EPB41L3: variants seen among roughly 807,000 people sequenced by gnomAD.
EPB41L3 encodes erythrocyte membrane protein band 4.1 like 3, also known as band 4.1-like protein 3.
In EPB41L3, 57 loss-of-function variants were observed where a neutral mutation model predicts 127.1. The observed-to-expected ratio is 0.45, with a 90% CI of 0.36 to 0.56. The LOEUF is 0.56. Ranked by LOEUF, EPB41L3 falls within the 20% of genes least tolerant of loss-of-function variation. The pLI is 0.00. For synonymous variants in EPB41L3, 572 were observed against 549.5 expected, an observed-to-expected ratio of 1.04 and a Z score of -0.57; for missense variants, 1,273 against 1,372.2, an observed-to-expected ratio of 0.93 and a Z score of 1.14.
chr18:5,400,969 C>T, intron 16 of EPB41L3: 1 of 1,528,550 alleles, frequency 6.5e-7, no homozygotes, highest in Non-Finnish European at 8.8e-7. Flanking sequence ...TGGTTTTTAC[C>T]TGAGACTCAA....
chr18:5,625,574 T>C (rs2094914484), intron 1 of EPB41L3, among the ~76,000 whole-genome samples: 1 of 152,200 alleles, frequency 6.6e-6, no homozygotes, highest in African/African-American at 2.4e-5. Flanking sequence ...AGTATCCCCT[T>C]GCCAGTTTCA....
intron 3 of EPB41L3, among the ~76,000 whole-genome samples, chr18:5,569,901 C>T (rs1016861886): frequency 3.3e-5 from 5 of 152,160 alleles, no homozygotes; most frequent in African/African-American, 1.2e-4. Context: ...GTAGTCAATG[C>T]TGTTTTCTTT....
chr18:5,422,315 G>T (rs1171862218), intron 11 of EPB41L3, among the ~76,000 whole-genome samples: 2 of 152,090 alleles, frequency 1.3e-5, no homozygotes, highest in African/African-American at 2.4e-5. Context: ...ATTAGAAAAA[G>T]ACAGTTGTTT....
At position 5,523,851 on chromosome 18, in the gene EPB41L3, T is replaced by C. The variant is rs147132319; in HGVS notation, c.-12+20062A>G. Among the ~76,000 whole-genome samples, 681 of 152,278 alleles carry C rather than the reference T, an allele frequency of 4.5e-3. 4 individuals are homozygous for C. The highest frequency in any genetic ancestry group is 6.1e-3 in the Admixed American group (93 of 15,302). ...GAACTGTCCAAGATCATGTCCTTTC[T>C]ACTTGTTTTAAAAACCTTTTTTAAA... On this transcript the variant is annotated intron_variant, in intron 1 of 22. Coordinates refer to ENST00000341928, the MANE Select transcript of EPB41L3 (RefSeq NM_012307.5).
chr18:5,487,611 C>A (rs1473750641), intron 2 of EPB41L3, among the ~76,000 whole-genome samples: 1 of 151,052 alleles, frequency 6.6e-6, no homozygotes, highest in Non-Finnish European at 1.5e-5. Context: ...CGTGCCTCAG[C>A]CTCCCTAACA....
intron 12 of EPB41L3, among the ~76,000 whole-genome samples, chr18:5,417,687 C>T (rs934684162): frequency 1.3e-5 from 2 of 152,132 alleles, no homozygotes; most frequent in East Asian, 1.9e-4. Flanking sequence ...ACATCTGAGG[C>T]ATGAGGGAAA....
chr18:5,489,186 T>C lies in EPB41L3; in HGVS notation c.-3A>G, dbSNP rs754358644. ...TCTGATCCAGATTCGGTCGTCATGGTTGATTGTTCTGCAAGCAGAAAAAAG... is the reference window on the plus strand; with the variant it reads ...TCTGATCCAGATTCGGTCGTCATGGCTGATTGTTCTGCAAGCAGAAAAAAG... On this transcript the variant is annotated 5_prime_UTR_variant, in exon 2 of 23. Coordinates refer to ENST00000341928, the MANE Select transcript of EPB41L3 (RefSeq NM_012307.5). The C allele has an allele frequency of 1.2e-5, 19 of 1,590,310 alleles. No individual in the cohort carries two copies. The highest frequency in any genetic ancestry group is 7.7e-6 in the Non-Finnish European group (9 of 1,173,188).
chr18:5,624,200 A>G (rs1025739300), intron 1 of EPB41L3, among the ~76,000 whole-genome samples: 1 of 151,964 alleles, frequency 6.6e-6, no homozygotes, highest in Non-Finnish European at 1.5e-5. Flanking sequence ...CAACATCTCA[A>G]TTTGTTGCCC....
intron 3 of EPB41L3, among the ~76,000 whole-genome samples, chr18:5,553,080 A>C (rs986364257): frequency 3.3e-5 from 5 of 152,242 alleles, no homozygotes; most frequent in Non-Finnish European, 7.3e-5. Flanking sequence ...GACTATTTCT[A>C]CTACTATGGA....
chr18:5,503,695 T>C (rs1309254430), intron 1 of EPB41L3, among the ~76,000 whole-genome samples: 2 of 152,228 alleles, frequency 1.3e-5, no homozygotes, highest in African/African-American at 4.8e-5. Flanking sequence ...GACCATTCCC[T>C]AGTCAAGGCT....
intron 1 of EPB41L3, among the ~76,000 whole-genome samples, chr18:5,523,312 T>C (rs897390208): frequency 6.6e-6 from 1 of 152,210 alleles, no homozygotes; most frequent in African/African-American, 2.4e-5. Flanking sequence ...TTTCCCCAAG[T>C]CTTCCTTTGT....
At chr18:5,600,316 A>C (rs572709163) in intron 3 of EPB41L3, among the ~76,000 whole-genome samples, 5 of 152,324 alleles carry the variant, frequency 3.3e-5, no homozygotes, top group African/African-American at 1.2e-4. Flanking sequence ...TTTACAACCT[A>C]AAATTATATT....
intron 3 of EPB41L3, among the ~76,000 whole-genome samples, chr18:5,585,389 T>C (rs576330246): frequency 2.6e-3 from 391 of 152,264 alleles, no homozygotes; most frequent in African/African-American, 8.9e-3. Flanking sequence ...CTAGTAACTC[T>C]GACTCCTGGG....
intron 1 of EPB41L3, among the ~76,000 whole-genome samples, chr18:5,615,026 T>C (rs1022804842): frequency 4.6e-5 from 7 of 152,198 alleles, no homozygotes; most frequent in Admixed American, 4.6e-4. Context: ...TGCTAGAACA[T>C]AGCTAACTGA....
At chr18:5,420,964 T>A (rs1421074227) in intron 11 of EPB41L3, among the ~76,000 whole-genome samples, 4 of 152,168 alleles carry the variant, frequency 2.6e-5, no homozygotes, top group African/African-American at 9.7e-5. Flanking sequence ...TTGAAAAAGC[T>A]CATATGAGAC....
chr18:5,512,986 A>C (rs184507145), intron 1 of EPB41L3, among the ~76,000 whole-genome samples: 1 of 152,342 alleles, frequency 6.6e-6, no homozygotes, highest in East Asian at 1.9e-4. Context: ...CATAGAATAT[A>C]GCAGGATGAG....
intron 7 of EPB41L3, 115 bp downstream of exon 7, chr18:5,433,788 C>T (rs1378474824): frequency 1.7e-6 from 2 of 1,187,388 alleles, no homozygotes; most frequent in Non-Finnish European, 2.5e-6. Flanking sequence ...TGGACCCACA[C>T]TATGCTCACG....
intron 12 of EPB41L3, among the ~76,000 whole-genome samples, chr18:5,416,809 G>A (rs1313353003): frequency 6.6e-6 from 1 of 151,670 alleles, no homozygotes; most frequent in Admixed American, 6.6e-5. Flanking sequence ...CTATAGTTCA[G>A]CTAGATTAAA....
chr18:5,514,018 C>T (rs2092653831), intron 1 of EPB41L3, among the ~76,000 whole-genome samples: 1 of 152,272 alleles, frequency 6.6e-6, no homozygotes, highest in East Asian at 1.9e-4. Context: ...CATGTTACTA[C>T]AGAGGCCAAA....
Sources: allele counts gnomAD v4.1 joint callset (sites outside exome capture counted in the v4.1 genomes callset), GRCh38; gene constraint gnomAD v4.1.1; transcripts MANE v1.5; gene names NCBI Gene and HGNC (gene_info 2026-07-23, HGNC 2026-07-21).